Variants in ASTN2 observed in about 807,000 individuals in gnomAD.
The protein encoded by ASTN2 is astrotactin 2.
A neutral mutation model predicts 139.8 loss-of-function variants in ASTN2; 54 were observed. The observed-to-expected ratio is 0.39, with a 90% confidence interval of 0.31 to 0.48. The LOEUF is 0.48. Among genes scored for constraint, ASTN2 ranks in the 20% least tolerant of loss-of-function variants. The probability of loss-of-function intolerance (pLI) is 0.95; values close to 1 mark genes in which losing one functional copy is unlikely to be tolerated. For missense variants in ASTN2, 1,565 were observed against 1,725.1 expected, an observed-to-expected ratio of 0.91 and a Z score of 1.64; for synonymous variants, 756 against 719.5, an observed-to-expected ratio of 1.05 and a Z score of -0.81.
intron 19 of ASTN2, among the ~76,000 whole-genome samples, chr9:116,542,713 A>T (rs968741807): frequency 2.3e-4 from 35 of 152,278 alleles, no homozygotes; most frequent in African/African-American, 7.7e-4. Context: ...ACCTGAGCTC[A>T]GGAGTTCAAG....
At chr9:117,316,110 G>A (rs1313979831) in intron 1 of ASTN2, among the ~76,000 whole-genome samples, 1 of 152,170 alleles carries the variant, frequency 6.6e-6, no homozygotes, top group South Asian at 2.1e-4. Context: ...AAATTGCATG[G>A]CTTAGACTCA....
intron 3 of ASTN2, among the ~76,000 whole-genome samples, chr9:117,167,857 T>G (rs1830703896): frequency 6.6e-6 from 1 of 152,090 alleles, no homozygotes; most frequent in Non-Finnish European, 1.5e-5. Context: ...TTTTCCTGAG[T>G]AAAGAATATC....
intron 5 of ASTN2, among the ~76,000 whole-genome samples, chr9:117,065,186 T>C (rs966514307): frequency 1.3e-5 from 2 of 151,998 alleles, no homozygotes; most frequent in Admixed American, 1.3e-4. Flanking sequence ...CAGAACAGAT[T>C]CTCCCTCCGT....
intron 13 of ASTN2, among the ~76,000 whole-genome samples, chr9:116,770,930 A>C (rs1363349040): frequency 1.3e-5 from 2 of 152,178 alleles, no homozygotes; most frequent in Non-Finnish European, 2.9e-5. Flanking sequence ...AGAACCTGCC[A>C]TTATATGGAG....
chr9:116,557,528 C>T (rs1852693285), intron 19 of ASTN2: 1 of 152,132 alleles, frequency 6.6e-6, no homozygotes, highest in South Asian at 2.1e-4. Context: ...TATTTCCCTT[C>T]CCTTTTATGG....
At chr9:116,980,953 C>T (rs1836495434) in intron 7 of ASTN2, among the ~76,000 whole-genome samples, 1 of 152,128 alleles carries the variant, frequency 6.6e-6, no homozygotes, top group Admixed American at 6.5e-5. Flanking sequence ...TGTAACCATG[C>T]TGACTGTGAA....
intron 19 of ASTN2, among the ~76,000 whole-genome samples, chr9:116,553,129 CCT>C (rs1174322576): frequency 6.6e-6 from 1 of 152,076 alleles, no homozygotes; most frequent in Admixed American, 6.6e-5. Context: ...CCCCCTTCCT[CCT>C]CTTTCTTCTT....
chr9:116,937,064 C>T (rs1835102355), intron 10 of ASTN2, among the ~76,000 whole-genome samples: 1 of 152,156 alleles, frequency 6.6e-6, no homozygotes. Flanking sequence ...ATGAGAGGAT[C>T]CTGGGCTCAG....
chr9:116,818,472 G>T (rs985550756), intron 12 of ASTN2, among the ~76,000 whole-genome samples: 6 of 152,060 alleles, frequency 3.9e-5, no homozygotes, highest in Admixed American at 1.3e-4. Flanking sequence ...ACTGCAGTTG[G>T]TTTTAGGATG....
intron 12 of ASTN2, among the ~76,000 whole-genome samples, chr9:116,816,053 T>A (rs1407011376): frequency 6.6e-6 from 1 of 152,140 alleles, no homozygotes; most frequent in Non-Finnish European, 1.5e-5. Context: ...ATTTATCTCA[T>A]GTTGAGTGAC....
chr9:116,804,043 A>G (rs1830967238), intron 13 of ASTN2, among the ~76,000 whole-genome samples: 1 of 151,926 alleles, frequency 6.6e-6, no homozygotes, highest in South Asian at 2.1e-4. Context: ...AACGATACCT[A>G]AAGTGTCAGA....
At chr9:116,780,757 T>C (rs73521386) in intron 13 of ASTN2, among the ~76,000 whole-genome samples, 2,382 of 152,252 alleles carry the variant, frequency 0.016, 59 homozygotes, top group African/African-American at 0.054. Context: ...CTTTTGTATA[T>C]ACTAGGACTT....
At chr9:117,292,365 G>A (rs989789095) in intron 1 of ASTN2, among the ~76,000 whole-genome samples, 1 of 152,098 alleles carries the variant, frequency 6.6e-6, no homozygotes, top group African/African-American at 2.4e-5. Context: ...AAAGGGTCAT[G>A]GCATAAGATG....
chr9:116,823,824 G>T (rs1418852859), intron 11 of ASTN2, among the ~76,000 whole-genome samples: 1 of 152,204 alleles, frequency 6.6e-6, no homozygotes, highest in Admixed American at 6.5e-5. Flanking sequence ...GGGTTTACCA[G>T]TTACCATCAT....
At chr9:117,109,941 C>T (rs1276937614) in intron 4 of ASTN2, among the ~76,000 whole-genome samples, 1 of 152,104 alleles carries the variant, frequency 6.6e-6, no homozygotes, top group African/African-American at 2.4e-5. Flanking sequence ...AATTTCCCTG[C>T]TCTTTTTAAT....
chr9:116,729,100 G>T lies in ASTN2; in HGVS notation c.2522-4C>A. 1 of 1,574,756 alleles carries T rather than the reference G, an allele frequency of 6.4e-7. No homozygotes were observed. Among genetic ancestry groups the T allele is most frequent in the South Asian group, 1.2e-5 (1 of 85,952 alleles). ...GCCTCATCATACCTGATATCTCCTG[G>T]GAGAGAAAATAAGATGGTCACGTGA... On this transcript the variant is annotated splice_region_variant and splice_polypyrimidine_tract_variant and intron_variant, in intron 14 of 22. Transcript: ENST00000313400.
chr9:116,617,328 T>G (rs188403825), intron 19 of ASTN2, among the ~76,000 whole-genome samples: 159 of 152,292 alleles, frequency 1.0e-3, no homozygotes, highest in African/African-American at 3.8e-3. Context: ...TAAAGGTCCT[T>G]TCATTCTTTT....
chr9:117,036,185 C>T (rs895785432), intron 6 of ASTN2, among the ~76,000 whole-genome samples: 1 of 152,028 alleles, frequency 6.6e-6, no homozygotes, highest in Non-Finnish European at 1.5e-5. Flanking sequence ...AAATTGAGAT[C>T]CAAACCAAAA....
intron 2 of ASTN2, among the ~76,000 whole-genome samples, chr9:117,230,236 C>T (rs1398874032): frequency 6.7e-6 from 1 of 149,628 alleles, no homozygotes; most frequent in Non-Finnish European, 1.5e-5. Context: ...AGATATTTAT[C>T]TCTCTTAGTT....
Sources: gnomAD v4.1 joint callset for allele counts (sites outside exome capture counted in the v4.1 genomes callset) on GRCh38, gnomAD v4.1.1 for gene constraint, MANE v1.5 for transcripts, NCBI Gene and HGNC (gene_info 2026-07-23, HGNC 2026-07-21) for gene names.